The following VPS13A variants were observed in gnomAD, a reference collection of about 807,000 sequenced individuals.
VPS13A encodes the protein intermembrane lipid transfer protein VPS13A.
In VPS13A, 264 loss-of-function variants were observed where a neutral mutation model predicts 390.9. The ratio of observed to expected loss-of-function variants is 0.68; its 90% confidence interval spans 0.61 to 0.75. The LOEUF (loss-of-function observed/expected upper bound fraction) is 0.75, where lower values mean the gene tolerates loss of function less well. VPS13A is among the 30% of genes least tolerant of loss of function. VPS13A has a pLI of 0.00. For missense variants in VPS13A, 3,409 were observed against 3,733.9 expected (o/e 0.91, Z 2.27); for synonymous variants, 1,231 against 1,227.1 (o/e 1.00, Z -0.07).
At chr9:77,210,793 A>T in intron 7 of VPS13A, 118 bp downstream of exon 7, 1 of 1,022,264 alleles carries the variant, frequency 9.8e-7, no homozygotes. Flanking sequence ...GGGTGCACAA[A>T]GGGTCTTCAT....
rs1207705444 is a variant in VPS13A, at chr9:77,337,236, A to G, written c.6096-19A>G. Reference sequence around the variant, plus strand: ...TTTCCTTTAAAACATTTTAAACTGTATCATTTAATCTCATGCAGATCATTC... The same window carrying G: ...TTTCCTTTAAAACATTTTAAACTGTGTCATTTAATCTCATGCAGATCATTC... On this transcript the variant is annotated intron_variant, in intron 46 of 71. Coordinates refer to ENST00000360280, the MANE Select transcript of VPS13A (RefSeq NM_033305.3). The G allele has an allele frequency of 1.2e-6, 2 of 1,604,942 alleles. No homozygotes were observed. Among genetic ancestry groups the G allele is most frequent in the Non-Finnish European group, 1.7e-6 (2 of 1,176,750 alleles).
In VPS13A at chr9:77,290,467, A is replaced by T. The variant is rs538285876; in HGVS notation, c.3340-2874A>T. On this transcript the variant is annotated intron_variant, in intron 31 of 71. Transcript: ENST00000360280. ...ATATTTTTCATTTTTTTCTTCAAAT[A>T]GTTTCTTTGCCTCTGTCTCCCTTTC... Among the ~76,000 whole-genome samples, 3 of 152,096 alleles carry T rather than the reference A, an allele frequency of 2.0e-5. No homozygotes were observed. In the South Asian group the frequency reaches 6.2e-4, roughly 32 times the overall value.
chr9:77,327,157 G>A (rs553000873), intron 45 of VPS13A, among the ~76,000 whole-genome samples: 4 of 152,212 alleles, frequency 2.6e-5, no homozygotes, highest in South Asian at 2.1e-4. Context: ...CTCTTGCCCC[G>A]TATCGGAAAC....
intron 12 of VPS13A, among the ~76,000 whole-genome samples, chr9:77,220,630 G>T (rs1823156204): frequency 6.6e-6 from 1 of 151,986 alleles, no homozygotes. Context: ...ATTTACTATG[G>T]ACGGGTCAGT....
intron 17 of VPS13A, 132 bp downstream of exon 17, chr9:77,228,396 G>T: frequency 8.0e-6 from 7 of 875,270 alleles, no homozygotes; most frequent in South Asian, 5.4e-5. Context: ...TCAGGAAAAA[G>T]GTTTTTTTTT....
chr9:77,351,759 C>A (rs1831482214), intron 53 of VPS13A, among the ~76,000 whole-genome samples: 1 of 152,084 alleles, frequency 6.6e-6, no homozygotes, highest in Non-Finnish European at 1.5e-5. Flanking sequence ...GTCCTAGCTA[C>A]TAAGGAGGCT....
At chr9:77,247,540 C>A in intron 20 of VPS13A, 145 bp downstream of exon 20, 1 of 917,270 alleles carries the variant, frequency 1.1e-6, no homozygotes, top group Admixed American at 3.0e-5. Flanking sequence ...ATCTCCCTTT[C>A]TGTTAAATAA....
intron 1 of VPS13A, among the ~76,000 whole-genome samples, chr9:77,189,354 A>G (rs1331152676): frequency 6.6e-6 from 1 of 152,024 alleles, no homozygotes; most frequent in Non-Finnish European, 1.5e-5. Flanking sequence ...CACACCATTT[A>G]TTGAATAGGG....
intron 29 of VPS13A, 86 bp from the exon 30 acceptor site, chr9:77,283,269 G>T: frequency 1.3e-6 from 1 of 785,282 alleles, no homozygotes. Flanking sequence ...ACTATTTGTG[G>T]TGATATTTCA....
chr9:77,385,669 A>G lies in VPS13A; in HGVS notation c.9189+3582A>G, dbSNP rs114156613. On this transcript the variant is annotated intron_variant, in intron 68 of 71. Transcript: ENST00000360280. ...CTTTAAAAAATTCTCTAAAAAGTATATGATCTTTGGTAGTTAGAATGTTTA... is the reference window on the plus strand; with the variant it reads ...CTTTAAAAAATTCTCTAAAAAGTATGTGATCTTTGGTAGTTAGAATGTTTA... 2.8e-3 allele frequency among the ~76,000 whole-genome samples: 426 copies of G among 152,154 alleles called. 3 individuals are homozygous for G. Among genetic ancestry groups the G allele is most frequent in the African/African-American group, 1.0e-2 (414 of 41,566 alleles).
chr9:77,306,414 T>TTGTGTGTG (rs60382346), intron 34 of VPS13A, among the ~76,000 whole-genome samples: 26,611 of 140,634 alleles, frequency 0.19, 2,734 homozygotes, highest in Admixed American at 0.29. Context: ...GTGTGTGTGT[T>TTGTGTGTG]TGTGTGTGTG....
intron 38 of VPS13A, among the ~76,000 whole-genome samples, chr9:77,315,707 T>C (rs1228528067): frequency 6.6e-6 from 1 of 152,132 alleles, no homozygotes; most frequent in Admixed American, 6.6e-5. Context: ...AATAAGTAAT[T>C]GTACTTCTCT....
chr9:77,411,712 A>ATTCAAAAGC (rs1834940284), intron 71 of VPS13A, among the ~76,000 whole-genome samples: 1 of 150,800 alleles, frequency 6.6e-6, no homozygotes, highest in Non-Finnish European at 1.5e-5. Context: ...GAGCAAACAC[A>ATTCAAAAGC]TTCAAAAGCT....
intron 33 of VPS13A, 43 bp from the exon 34 acceptor site, chr9:77,302,872 A>G: frequency 1.3e-6 from 2 of 1,571,500 alleles, no homozygotes; most frequent in African/African-American, 1.3e-5. Context: ...AACTACCTGA[A>G]TGTATATGAA....
At chr9:77,219,024 T>A (rs547127651) in intron 10 of VPS13A, among the ~76,000 whole-genome samples, 87 of 152,090 alleles carry the variant, frequency 5.7e-4, no homozygotes, top group African/African-American at 1.9e-3. Flanking sequence ...TTAAAATAAC[T>A]GATGGTGGAA....
At chr9:77,350,008 C>T (rs748928244) in intron 52 of VPS13A, among the ~76,000 whole-genome samples, 40 of 152,070 alleles carry the variant, frequency 2.6e-4, no homozygotes, top group Non-Finnish European at 5.6e-4. Flanking sequence ...GTTTATAATT[C>T]CTTACCATAT....
chr9:77,187,904 C>T (rs994660249), intron 1 of VPS13A, among the ~76,000 whole-genome samples: 9 of 152,224 alleles, frequency 5.9e-5, no homozygotes, highest in African/African-American at 1.9e-4. Context: ...TTGTTGTTTC[C>T]TTCTTTGTGT....
Position 77,220,497 on chromosome 9 carries a change from C to A in VPS13A, c.989+114C>A, listed in dbSNP as rs547883157. ...TACCATTTTTAAGGTCTGATACAAA[C>A]CATAATTGATTTATAGCTAGAAATA... is the stretch of plus-strand genomic sequence containing the variant. On this transcript the variant is annotated intron_variant, in intron 12 of 71. Transcript: ENST00000360280. The A allele has an allele frequency of 1.1e-5, 8 of 736,140 alleles. No homozygotes were observed. The South Asian group carries it at 1.4e-4, about 13-fold the overall frequency. 45.6% of individuals were successfully genotyped at this position (736,140 alleles called of 1,614,324 possible). A position where few individuals can be genotyped will look rare whatever the true frequency, so the allele number is the denominator to read the frequency against.
At chr9:77,234,202 G>A (rs376361294) in intron 17 of VPS13A, among the ~76,000 whole-genome samples, 1 of 152,048 alleles carries the variant, frequency 6.6e-6, no homozygotes, top group Admixed American at 6.6e-5. Flanking sequence ...TAGATACAGG[G>A]TCTTGCTTTG....
Sources: allele counts gnomAD v4.1 joint callset (sites outside exome capture counted in the v4.1 genomes callset), GRCh38; gene constraint gnomAD v4.1.1; transcripts MANE v1.5; gene names NCBI Gene and HGNC (gene_info 2026-07-23, HGNC 2026-07-21).